The following OSGIN2 variants were observed in gnomAD, a reference collection of about 807,000 sequenced individuals.
OSGIN2 encodes oxidative stress induced growth inhibitor family member 2, also known as oxidative stress-induced growth inhibitor 2.
OSGIN2 carries 19 observed loss-of-function variants against 53.8 expected under a neutral mutation model. The ratio of observed to expected loss-of-function variants is 0.35; its 90% CI spans 0.25 to 0.52. OSGIN2 has a LOEUF of 0.52. OSGIN2 is among the 20% of genes least tolerant of loss of function. OSGIN2 has a pLI of 0.95. For missense variants in OSGIN2, 520 were observed against 662.7 expected, an observed-to-expected ratio of 0.78 and a Z score of 2.36; for synonymous variants, 236 against 236.0, an observed-to-expected ratio of 1.00 and a Z score of 0.00.
At position 89,927,563 on chromosome 8, in the gene OSGIN2, C is replaced by CTAGT. The variant is rs1809373288; in HGVS notation, c.*2034_*2037dup. ...AAGGGAAGAATCACTAAATACTTGT[C>CTAGT]TAGTTATAGCATGATGTGAGCATCT... is the stretch of plus-strand genomic sequence containing the variant. On this transcript the variant is annotated 3_prime_UTR_variant, in exon 6 of 6. Coordinates refer to ENST00000451899, the MANE Select transcript of OSGIN2 (RefSeq NM_001126111.3). 6.6e-6 allele frequency: 1 copy of CTAGT among 152,176 alleles called. No homozygotes were observed. The highest frequency in any genetic ancestry group is 1.9e-4 in the East Asian group (1 of 5,200). 9.4% of individuals were successfully genotyped at this position (152,176 alleles called of 1,614,324 possible).
intron 1 of OSGIN2, among the ~76,000 whole-genome samples, chr8:89,909,273 C>G (rs978105214): frequency 1.3e-5 from 2 of 151,606 alleles, no homozygotes; most frequent in Non-Finnish European, 2.9e-5. Flanking sequence ...TTATGAACTC[C>G]TCAACACCAT....
At chr8:89,913,615 T>C (rs1281419302) in intron 2 of OSGIN2, among the ~76,000 whole-genome samples, 3 of 152,122 alleles carry the variant, frequency 2.0e-5, no homozygotes, top group South Asian at 4.1e-4. Context: ...TGACAAGATA[T>C]AGGGGGCAAA....
chr8:89,923,825 A>C (rs990306283), intron 5 of OSGIN2, among the ~76,000 whole-genome samples: 1 of 152,188 alleles, frequency 6.6e-6, no homozygotes, highest in African/African-American at 2.4e-5. Flanking sequence ...CTTATCTCTG[A>C]TTGGGGCAGG....
In OSGIN2 at chr8:89,914,147, A is replaced by G; in HGVS notation, c.270A>G (p.Ala90=). ...ACAGACCGTATTTATCATCAGAAGCAATACACCCAAATACAATCTTAAATA... is the reference window on the plus strand; with the variant it reads ...ACAGACCGTATTTATCATCAGAAGCGATACACCCAAATACAATCTTAAATA... The part of the protein sequence containing the change: ...SGYRPYLSSE[A]IHPNTILNSK... The change falls in exon 3 of 6, where the codon GCA becomes GCG. Residue 90 remains alanine, a synonymous_variant. Transcript: ENST00000451899. 1.3e-6 allele frequency: 2 copies of G among 1,596,342 alleles called. No individual in the cohort carries two copies. The highest frequency in any genetic ancestry group is 1.7e-6 in the Non-Finnish European group (2 of 1,164,206).
intron 2 of OSGIN2, among the ~76,000 whole-genome samples, chr8:89,911,768 A>G (rs1808973345): frequency 6.6e-6 from 1 of 151,420 alleles, no homozygotes; most frequent in Non-Finnish European, 1.5e-5. Context: ...CCTTGTCTCT[A>G]CTAAAAATAC....
At chr8:89,921,313 A>T in intron 5 of OSGIN2, 142 bp downstream of exon 5, 1 of 564,228 alleles carries the variant, frequency 1.8e-6, no homozygotes, top group Non-Finnish European at 3.1e-6. Context: ...TGAAGCAGTG[A>T]TTATAATATG....
intron 1 of OSGIN2, among the ~76,000 whole-genome samples, chr8:89,905,082 GT>G (rs1441588373): frequency 6.6e-6 from 1 of 152,192 alleles, no homozygotes; most frequent in African/African-American, 2.4e-5. Flanking sequence ...TTTCATTTTA[GT>G]TTGAATGATC....
At chr8:89,912,307 C>T (rs1267096718) in intron 2 of OSGIN2, among the ~76,000 whole-genome samples, 1 of 152,174 alleles carries the variant, frequency 6.6e-6, no homozygotes, top group Non-Finnish European at 1.5e-5. Context: ...GGATTTAGGA[C>T]TGGAAAGATG....
At chr8:89,907,750 T>C (rs1328849222) in intron 1 of OSGIN2, among the ~76,000 whole-genome samples, 2 of 152,220 alleles carry the variant, frequency 1.3e-5, no homozygotes, top group Non-Finnish European at 2.9e-5. Flanking sequence ...GGCTCTTTTT[T>C]GGTTTCATAT....
At chr8:89,916,486 A>G (rs1408374515) in intron 4 of OSGIN2, among the ~76,000 whole-genome samples, 2 of 152,128 alleles carry the variant, frequency 1.3e-5, no homozygotes, top group Non-Finnish European at 2.9e-5. Context: ...TGCATTCCAT[A>G]TCTTAATCTT....
At chr8:89,908,020 T>C (rs916925669) in intron 1 of OSGIN2, among the ~76,000 whole-genome samples, 5 of 152,118 alleles carry the variant, frequency 3.3e-5, no homozygotes. Flanking sequence ...ATGACTTTGA[T>C]CAGAAGCCTC....
Position 89,924,862 on chromosome 8 carries a change from A to G in OSGIN2, c.980A>G (p.His327Arg). The G allele has an allele frequency of 6.2e-7, 1 of 1,614,188 alleles. No homozygotes were observed. Among genetic ancestry groups the G allele is most frequent in the Non-Finnish European group, 8.5e-7 (1 of 1,180,012 alleles). ...GGGGAAGATTTTCCTTTTGTGTTTCATTCAATGCCTGAATTTGGAGCTGCT... is the reference window on the plus strand; with the variant it reads ...GGGGAAGATTTTCCTTTTGTGTTTCGTTCAATGCCTGAATTTGGAGCTGCT... ...IEGEDFPFVF[H>R]SMPEFGAAIN... Residue 327 changes from histidine (H) to arginine (R), a missense_variant, in exon 6 of 6, where the codon CAT becomes CGT. Physicochemically the swap from His to Arg is conservative, Grantham distance 29 (BLOSUM62 0). Around this residue, in one of 3 missense-constraint regions of OSGIN2, gnomAD observed 239 missense variants for 328.3 expected, o/e 0.73. Transcript: ENST00000451899.
chr8:89,918,502 C>G (rs780610232), intron 4 of OSGIN2, among the ~76,000 whole-genome samples: 1 of 152,118 alleles, frequency 6.6e-6, no homozygotes, highest in African/African-American at 2.4e-5. Flanking sequence ...TAGACCTTAT[C>G]CCAAGCCCAG....
chr8:89,920,726 AATAT>A (rs1414562275), intron 4 of OSGIN2, among the ~76,000 whole-genome samples: 1 of 152,230 alleles, frequency 6.6e-6, no homozygotes, highest in Non-Finnish European at 1.5e-5. Context: ...TCAAAAAATG[AATAT>A]ACTGAATTTT....
chr8:89,907,314 C>T (rs530597155), intron 1 of OSGIN2, among the ~76,000 whole-genome samples: 5 of 151,928 alleles, frequency 3.3e-5, no homozygotes, highest in South Asian at 4.2e-4. Context: ...TTGCCTTTGG[C>T]GTCTTCCTCA....
chr8:89,914,138 A>T lies in OSGIN2; in HGVS notation c.261A>T (p.Ser87=). ...YMLSGYRPYL[S]SEAIHPNTIL... ...TATCAGGCTACAGACCGTATTTATC[A>T]TCAGAAGCAATACACCCAAATACAA... The change falls in exon 3 of 6, where the codon TCA becomes TCT. Residue 87 remains serine, a synonymous_variant. Transcript: ENST00000451899. 2 of 1,601,306 alleles carry T rather than the reference A, an allele frequency of 1.2e-6. No homozygotes were observed. The highest frequency in any genetic ancestry group is 2.2e-5 in the East Asian group (1 of 44,710).
intron 5 of OSGIN2, among the ~76,000 whole-genome samples, chr8:89,923,567 CAT>C (rs766117698): frequency 9.9e-5 from 15 of 152,206 alleles, no homozygotes; most frequent in Non-Finnish European, 1.9e-4. Context: ...CAATAAGTCA[CAT>C]GAGGTATTCA....
intron 2 of OSGIN2, among the ~76,000 whole-genome samples, chr8:89,911,455 C>A (rs890537915): frequency 6.6e-6 from 1 of 151,928 alleles, no homozygotes; most frequent in South Asian, 2.1e-4. Flanking sequence ...CATGGTGAAA[C>A]CCCGTCTCTA....
intron 1 of OSGIN2, among the ~76,000 whole-genome samples, chr8:89,906,729 T>C (rs1486477633): frequency 3.3e-5 from 5 of 152,222 alleles, no homozygotes; most frequent in Admixed American, 2.0e-4. Context: ...TGAATAGTGC[T>C]GCAGTGAATG....
Sources: allele counts gnomAD v4.1 joint callset (sites outside exome capture counted in the v4.1 genomes callset), GRCh38; gene constraint gnomAD v4.1.1; regional missense constraint gnomAD v4.1.1; transcripts MANE v1.5; gene names NCBI Gene and HGNC (gene_info 2026-07-23, HGNC 2026-07-21).